The following COL4A2 variants were observed in gnomAD, a reference collection of about 807,000 sequenced individuals.
The protein encoded by COL4A2 is collagen alpha-2(IV) chain.
In COL4A2, 99 loss-of-function variants were observed where a neutral mutation model predicts 200.2. The observed-to-expected ratio is 0.49, with a 90% CI of 0.42 to 0.58. The LOEUF (loss-of-function observed/expected upper bound fraction) is 0.58, where lower values mean the gene tolerates loss of function less well. COL4A2 is among the 20% of genes least tolerant of loss of function. COL4A2 has a pLI of 0.00. For missense variants in COL4A2, 1,950 were observed against 2,314.1 expected (o/e 0.84, Z 3.23); for synonymous variants, 897 against 900.6 (o/e 1.00, Z 0.07).
intron 4 of COL4A2, among the ~76,000 whole-genome samples, chr13:110,393,739 C>T (rs889909010): frequency 1.3e-5 from 2 of 151,970 alleles, no homozygotes; most frequent in African/African-American, 2.4e-5. Context: ...AATAGACGGG[C>T]GTGGTGGCAC....
chr13:110,510,265 G>A (rs1463075157), intron 47 of COL4A2, among the ~76,000 whole-genome samples: 2 of 152,244 alleles, frequency 1.3e-5, no homozygotes, highest in Non-Finnish European at 2.9e-5. Context: ...CGAGCGCCAC[G>A]TGGGAGGGAG....
intron 3 of COL4A2, among the ~76,000 whole-genome samples, chr13:110,352,708 C>G (rs1374971693): frequency 2.6e-5 from 4 of 152,172 alleles, no homozygotes; most frequent in Admixed American, 2.6e-4. Flanking sequence ...GTCCCGAGTT[C>G]CCTGGGTGGG....
chr13:110,391,808 A>C (rs1162914768), intron 4 of COL4A2, among the ~76,000 whole-genome samples: 17 of 152,198 alleles, frequency 1.1e-4, no homozygotes, highest in Admixed American at 1.1e-3. Context: ...CCGTCCTGAG[A>C]GTGAACCACT....
At chr13:110,351,486 C>T (rs1367146586) in intron 3 of COL4A2, among the ~76,000 whole-genome samples, 2 of 152,198 alleles carry the variant, frequency 1.3e-5, no homozygotes, top group African/African-American at 2.4e-5. Context: ...TCATCTCTTC[C>T]TTGCAGCTCA....
chr13:110,400,654 A>T (rs1007435787), intron 4 of COL4A2, among the ~76,000 whole-genome samples: 1 of 152,240 alleles, frequency 6.6e-6, no homozygotes, highest in African/African-American at 2.4e-5. Context: ...AATCAATGAA[A>T]CCTGAATATA....
intron 4 of COL4A2, among the ~76,000 whole-genome samples, chr13:110,382,428 T>C (rs1331825472): frequency 1.3e-5 from 2 of 152,208 alleles, no homozygotes; most frequent in Non-Finnish European, 2.9e-5. Context: ...ATGAATCACA[T>C]AGCAGTAAAT....
chr13:110,330,668 G>A (rs889487175), intron 3 of COL4A2, among the ~76,000 whole-genome samples: 1 of 152,184 alleles, frequency 6.6e-6, no homozygotes, highest in Non-Finnish European at 1.5e-5. Context: ...CGCAGGGCAC[G>A]ATGGGGTCCC....
At chr13:110,329,110 T>C (rs2139359592) in intron 3 of COL4A2, among the ~76,000 whole-genome samples, 1 of 152,288 alleles carries the variant, frequency 6.6e-6, no homozygotes, top group Non-Finnish European at 1.5e-5. Context: ...ATAGAAAACA[T>C]GCTAATCTGA....
At chr13:110,510,500 A>G (rs1462983890) in intron 47 of COL4A2, among the ~76,000 whole-genome samples, 2 of 7,754 alleles carry the variant, frequency 2.6e-4, no homozygotes, top group Non-Finnish European at 6.8e-3. Context: ...ATGAGCTGCT[A>G]TGAGTACCAA....
chr13:110,350,185 G>T (rs930258297), intron 3 of COL4A2, among the ~76,000 whole-genome samples: 1 of 152,126 alleles, frequency 6.6e-6, no homozygotes, highest in African/African-American at 2.4e-5. Flanking sequence ...TCTGCACCTG[G>T]AAAAAATGTC....
chr13:110,473,295 A>C, intron 29 of COL4A2, 145 bp downstream of exon 29: 1 of 695,312 alleles, frequency 1.4e-6, no homozygotes, highest in Admixed American at 3.3e-5. Flanking sequence ...ATGGCCTTCC[A>C]GCACTCCTTT....
intron 4 of COL4A2, among the ~76,000 whole-genome samples, chr13:110,368,624 G>A (rs1877856616): frequency 6.6e-6 from 1 of 152,100 alleles, no homozygotes; most frequent in Non-Finnish European, 1.5e-5. Flanking sequence ...TCACTTTAAA[G>A]CATGAAGGGG....
chr13:110,466,177 G>GT, intron 26 of COL4A2, 115 bp downstream of exon 26: 2 of 1,257,192 alleles, frequency 1.6e-6, no homozygotes, highest in Non-Finnish European at 2.2e-6. Context: ...TGCAAGCCAC[G>GT]TTTGATTTCC....
intron 15 of COL4A2, among the ~76,000 whole-genome samples, chr13:110,439,315 G>C (rs771346431): frequency 1.3e-5 from 2 of 152,226 alleles, no homozygotes; most frequent in Non-Finnish European, 2.9e-5. Context: ...AATAAGAATA[G>C]AGAGACACAG....
rs1353979950 is a variant in COL4A2, at chr13:110,462,278, G to C, written c.1670G>C (p.Gly557Ala). Residue 557 changes from glycine (G) to alanine (A), a missense_variant and splice_region_variant, in exon 24 of 48, where the codon GGT becomes GCT. Coordinates refer to ENST00000360467, the MANE Select transcript of COL4A2 (RefSeq NM_001846.4). Reference sequence around the variant, plus strand: ...GCTTCACATGCAAATCCCTTTCTAGGTGAGCGGGGACAGCCCGGCGTCCCA... The same window carrying C: ...GCTTCACATGCAAATCCCTTTCTAGCTGAGCGGGGACAGCCCGGCGTCCCA... Reference protein sequence around the residue: ...KGDSRTITTKGERGQPGVPGV... With the variant: ...KGDSRTITTKAERGQPGVPGV... 2 of 1,614,102 alleles carry C rather than the reference G, an allele frequency of 1.2e-6. No individual in the cohort carries two copies. The highest frequency in any genetic ancestry group is 1.7e-6 in the Non-Finnish European group (2 of 1,180,052).
intron 3 of COL4A2, among the ~76,000 whole-genome samples, chr13:110,319,755 T>TCC (rs2139349804): frequency 6.6e-6 from 1 of 152,308 alleles, no homozygotes; most frequent in South Asian, 2.1e-4. Context: ...CCTGAGGTGA[T>TCC]CTCCTGTCCT....
At position 110,438,047 on chromosome 13, in the gene COL4A2, G is replaced by C; in HGVS notation, c.861+10G>C. On this transcript the variant is annotated intron_variant, in intron 14 of 47. Transcript: ENST00000360467. ...GGAACCAGGAATAAGAGTAAGTCGA[G>C]TAATGAGCATGCCCCCTCCCCTGTG... 5 of 1,612,436 alleles carry C rather than the reference G, an allele frequency of 3.1e-6. No homozygotes were observed. Among genetic ancestry groups the C allele is most frequent in the Non-Finnish European group, 4.2e-6 (5 of 1,178,684 alleles).
intron 4 of COL4A2, among the ~76,000 whole-genome samples, chr13:110,397,315 C>A (rs1031626201): frequency 1.3e-5 from 2 of 152,204 alleles, no homozygotes; most frequent in Non-Finnish European, 2.9e-5. Flanking sequence ...AACCGAAGAA[C>A]CCCTCAGAGC....
Position 110,512,376 on chromosome 13 carries a change from C to A in COL4A2, c.*185C>A. On this transcript the variant is annotated 3_prime_UTR_variant, in exon 48 of 48. Transcript: ENST00000360467. ...CGAGCGGGTGCAAGCACTCGGGGTC[C>A]CTGGAGGGCAAGCCCTGCCCACAGA... The A allele has an allele frequency of 9.8e-7, 1 of 1,023,396 alleles. No homozygotes were observed. The allele number at this position is 1,023,396 out of a possible 1,614,324, so 63.4% of individuals were successfully genotyped here. A position where few individuals can be genotyped will look rare whatever the true frequency, so the allele number is the denominator to read the frequency against.
Sources: gnomAD v4.1 joint callset for allele counts (sites outside exome capture counted in the v4.1 genomes callset) on GRCh38, gnomAD v4.1.1 for gene constraint, MANE v1.5 for transcripts, NCBI Gene and HGNC (gene_info 2026-07-23, HGNC 2026-07-21) for gene names.